Variants in SLC28A2 observed in about 807,000 individuals in gnomAD.
SLC28A2 encodes sodium/nucleoside cotransporter 2.
A neutral mutation model predicts 72.9 loss-of-function variants in SLC28A2; 69 were observed. That is an observed-to-expected ratio of 0.95 (90% CI 0.78 to 1.16). The LOEUF is 1.16. Ranked by LOEUF, SLC28A2 falls within the 50% of genes most tolerant of loss-of-function variation. The pLI is 0.00. For missense variants in SLC28A2, 745 were observed against 791.1 expected (o/e 0.94, Z 0.70); for synonymous variants, 296 against 294.1 (o/e 1.01, Z -0.07).
intron 3 of SLC28A2, among the ~76,000 whole-genome samples, chr15:45,260,264 A>G (rs2140564660): frequency 6.6e-6 from 1 of 152,328 alleles, no homozygotes; most frequent in South Asian, 2.1e-4. Flanking sequence ...TGGAGGTCCC[A>G]GTAGCAGAAC....
intron 3 of SLC28A2, among the ~76,000 whole-genome samples, chr15:45,258,980 T>C (rs1567057091): frequency 1.3e-5 from 2 of 152,244 alleles, no homozygotes; most frequent in Admixed American, 6.5e-5. Context: ...TCTTTTTTCA[T>C]TGTCTCCATT....
chr15:45,260,200 T>G lies in SLC28A2; in HGVS notation c.171-1815T>G, dbSNP rs140926335. Among the ~76,000 whole-genome samples the G allele has an allele frequency of 1.3e-4, 20 of 152,292 alleles. 1 individual carries two copies. The East Asian group carries it at 3.5e-3, about 26-fold the overall frequency. ...AAGAGCACCTGGCAGGAGAGTCAGA[T>G]AAAAAGACCTCCTCAACACACTGAC... On this transcript the variant is annotated intron_variant, in intron 3 of 17. Transcript: ENST00000347644.
At chr15:45,259,585 C>A (rs918459600) in intron 3 of SLC28A2, among the ~76,000 whole-genome samples, 4 of 152,190 alleles carry the variant, frequency 2.6e-5, no homozygotes, top group African/African-American at 9.7e-5. Flanking sequence ...ATAGGCAAAT[C>A]ATTTTTATGA....
chr15:45,267,803 C>A lies in SLC28A2; in HGVS notation c.1199+7C>A. The A allele has an allele frequency of 1.9e-6, 3 of 1,613,652 alleles. No individual in the cohort carries two copies. Among genetic ancestry groups the A allele is most frequent in the South Asian group, 1.1e-5 (1 of 90,934 alleles). On this transcript the variant is annotated splice_region_variant and intron_variant, in intron 12 of 17. Transcript: ENST00000347644. ...GGGTAAAGCTGCCCCGTGGGTGAGT[C>A]CAAGGAGGCATATACTTTGGGAGAT...
At chr15:45,275,337 T>A in intron 17 of SLC28A2, 59 bp from the exon 18 acceptor site, 1 of 976,882 alleles carries the variant, frequency 1.0e-6, no homozygotes, top group Non-Finnish European at 1.6e-6. Flanking sequence ...CTTATTGATA[T>A]GTTTTGTTGC....
chr15:45,257,504 A>G (rs1428973292), intron 3 of SLC28A2, among the ~76,000 whole-genome samples: 2 of 152,238 alleles, frequency 1.3e-5, no homozygotes, highest in African/African-American at 4.8e-5. Context: ...TCAAAATTCA[A>G]TAAATACATG....
chr15:45,263,740 C>T, intron 5 of SLC28A2, 141 bp from the exon 6 acceptor site: 2 of 693,876 alleles, frequency 2.9e-6, no homozygotes, highest in Non-Finnish European at 4.6e-6. Flanking sequence ...CTGGCGTCTA[C>T]AGCAGCCACA....
At chr15:45,267,924 T>G in intron 12 of SLC28A2, 128 bp downstream of exon 12, 2 of 1,186,422 alleles carry the variant, frequency 1.7e-6, no homozygotes, top group Non-Finnish European at 2.4e-6. Context: ...TGCCTATCTC[T>G]GGTGCTTGCT....
In SLC28A2 at chr15:45,277,375, G is replaced by GTACA. The variant is rs1422624745; in HGVS notation, c.*1864_*1867dup. On this transcript the variant is annotated 3_prime_UTR_variant, in exon 18 of 18. Coordinates refer to ENST00000347644, the MANE Select transcript of SLC28A2 (RefSeq NM_004212.4). ...AAACTAAGTTCTCAAACAAGTACAT[G>GTACA]TACATGCATGTTCACAGTAGCACTA... is the stretch of plus-strand genomic sequence containing the variant. 1 of 151,888 alleles carries GTACA rather than the reference G, an allele frequency of 6.6e-6. No individual in the cohort carries two copies. The highest frequency in any genetic ancestry group is 1.5e-5 in the Non-Finnish European group (1 of 67,990). The allele number at this position is 151,888 out of a possible 1,614,324, so 9.4% of individuals were successfully genotyped here.
In SLC28A2 at chr15:45,269,520, G is replaced by C. The variant is rs761399328; in HGVS notation, c.1551G>C (p.Glu517Asp). The change falls in exon 14 of 18, where the codon GAG becomes GAC. Residue 517 changes from glutamate to aspartate, a missense_variant. By Grantham distance (45) the Glu-to-Asp change is conservative (BLOSUM62 2). Transcript: ENST00000347644. ...LSGMEEWIEGEKQWISVRAEI... is the reference protein window; with the variant it reads ...LSGMEEWIEGDKQWISVRAEI... ...GAATGGAGGAGTGGATTGAGGGAGA[G>C]AAACAGTGGATTTCTGTAAGTGACA... 1.9e-6 allele frequency: 3 copies of C among 1,613,838 alleles called. No homozygotes were observed. Among genetic ancestry groups the C allele is most frequent in the South Asian group, 2.2e-5 (2 of 91,060 alleles).
chr15:45,253,618 C>G, intron 3 of SLC28A2, 98 bp downstream of exon 3: 1 of 674,388 alleles, frequency 1.5e-6, no homozygotes, highest in South Asian at 1.8e-5. Context: ...TCCACCTTAC[C>G]ATGTGTACAT....
chr15:45,263,288 CCCA>C (rs751858192), intron 5 of SLC28A2, 44 bp downstream of exon 5: 2 of 1,574,404 alleles, frequency 1.3e-6, no homozygotes, highest in Admixed American at 1.8e-5. Context: ...CTTATCCCAG[CCCA>C]CCTCCTTTTT....
At position 45,270,218 on chromosome 15, in the gene SLC28A2, A is replaced by G; in HGVS notation, c.1590A>G (p.Thr530=). Residue 530 remains threonine (T), a synonymous_variant, in exon 15 of 18, where the codon ACA becomes ACG. Coordinates refer to ENST00000347644, the MANE Select transcript of SLC28A2 (RefSeq NM_004212.4). ...WISVRAEIIT[T]FSLCGFANLS... is the part of the protein sequence containing the mutation. ...AGGTGAGAGCTGAAATCATTACAAC[A>G]TTTTCACTCTGTGGATTTGCCAATC... The G allele has an allele frequency of 1.2e-6, 2 of 1,613,634 alleles. No individual in the cohort carries two copies. Among genetic ancestry groups the G allele is most frequent in the Non-Finnish European group, 1.7e-6 (2 of 1,179,530 alleles).
At chr15:45,271,487 C>G (rs967614282) in intron 15 of SLC28A2, among the ~76,000 whole-genome samples, 3 of 151,818 alleles carry the variant, frequency 2.0e-5, no homozygotes, top group African/African-American at 2.4e-5. Flanking sequence ...ATTGCTTGAA[C>G]TCAGATCGAG....
intron 1 of SLC28A2, 126 bp downstream of exon 1, chr15:45,252,404 G>T: frequency 2.5e-6 from 1 of 404,364 alleles, no homozygotes; most frequent in Admixed American, 3.2e-5. Flanking sequence ...AATATAAGTT[G>T]GTTATGTGTG....
At chr15:45,269,786 A>C (rs2413768) in intron 14 of SLC28A2, among the ~76,000 whole-genome samples, 1 of 152,040 alleles carries the variant, frequency 6.6e-6, no homozygotes, top group African/African-American at 2.4e-5. Flanking sequence ...ACTTCTCTCT[A>C]TAATGTAATT....
At chr15:45,268,092 C>T in intron 12 of SLC28A2, 118 bp from the exon 13 acceptor site, 1 of 950,270 alleles carries the variant, frequency 1.1e-6, no homozygotes, top group Non-Finnish European at 1.6e-6. Context: ...ACCCCTGTCA[C>T]CTTCTACATT....
intron 3 of SLC28A2, among the ~76,000 whole-genome samples, chr15:45,254,858 G>A (rs963900073): frequency 8.6e-5 from 13 of 152,008 alleles, no homozygotes; most frequent in African/African-American, 3.1e-4. Flanking sequence ...AGTTTTTCAT[G>A]CTTACATGAT....
chr15:45,272,334 T>A lies in SLC28A2; in HGVS notation c.1688T>A (p.Val563Asp), dbSNP rs566291829. Residue 563 changes from valine (V) to aspartate (D), a missense_variant, in exon 16 of 18, where the codon GTT (valine) becomes GAT (aspartate). Physicochemically the swap from Val to Asp is radical, Grantham distance 152. Coordinates refer to ENST00000347644, the MANE Select transcript of SLC28A2 (RefSeq NM_004212.4). The stretch of plus-strand genomic sequence containing the variant: ...CACCGGAAGAGTGACTTGTCCAAGG[T>A]TGTGGTCAGGGCCCTCTTCACAGGG... ...VPHRKSDLSK[V>D]VVRALFTGAC... is the part of the protein sequence containing the mutation. The A allele has an allele frequency of 3.8e-5, 62 of 1,613,972 alleles. 1 individual carries two copies. In the South Asian group the frequency reaches 6.8e-4, roughly 18 times the overall value.
Sources: gnomAD v4.1 joint callset for allele counts (sites outside exome capture counted in the v4.1 genomes callset) on GRCh38, gnomAD v4.1.1 for gene constraint, MANE v1.5 for transcripts, NCBI Gene and HGNC (gene_info 2026-07-23, HGNC 2026-07-21) for gene names.